The following ZNF737 variants were observed in gnomAD, a reference collection of about 807,000 sequenced individuals.
ZNF737 encodes the protein zinc finger protein 737.
Under a neutral mutation model 11.7 loss-of-function variants are expected in ZNF737, and 13 were observed. The observed-to-expected ratio is 1.11, with a 90% CI of 0.73 to 1.77. The LOEUF (loss-of-function observed/expected upper bound fraction) is 1.77, where lower values mean the gene tolerates loss of function less well. ZNF737 is among the 40% of genes most tolerant of loss of function. ZNF737 has a pLI of 0.00. For missense variants in ZNF737, 636 were observed against 638.0 expected, an observed-to-expected ratio of 1.00 and a Z score of 0.03; for synonymous variants, 217 against 216.2, an observed-to-expected ratio of 1.00 and a Z score of -0.03.
rs1447026288 is a variant in ZNF737, at chr19:20,539,478, T to C, written c.*5114A>G. 6.1e-6 allele frequency: 6 copies of C among 985,434 alleles called. No individual in the cohort carries two copies. The highest frequency in any genetic ancestry group is 2.4e-6 in the Non-Finnish European group (2 of 829,932). 61.0% of individuals were successfully genotyped at this position (985,434 alleles called of 1,614,324 possible). A position where few individuals can be genotyped will look rare whatever the true frequency, so the allele number is the denominator to read the frequency against. On this transcript the variant is annotated 3_prime_UTR_variant, in exon 4 of 4. Coordinates refer to ENST00000427401, the MANE Select transcript of ZNF737 (RefSeq NM_001159293.2). ...GCCATTTCTGTAAGTACGGCAATTA[T>C]GCGAAGCCATTGAAAAAATGTGGTC...
Position 20,539,636 on chromosome 19 carries a change from G to A in ZNF737, c.*4956C>T. ...ATTAATGTGTTTACAGTTTAATCTT[G>A]TATTACAGTATAGTAGAATCCTCTA... On this transcript the variant is annotated 3_prime_UTR_variant, in exon 4 of 4. Transcript: ENST00000427401. 1.2e-5 allele frequency: 11 copies of A among 936,536 alleles called. No homozygotes were observed. Among genetic ancestry groups the A allele is most frequent in the Middle Eastern group, 5.5e-4 (1 of 1,802 alleles). 58.0% of individuals were successfully genotyped at this position (936,536 alleles called of 1,614,324 possible). A position where few individuals can be genotyped will look rare whatever the true frequency, so the allele number is the denominator to read the frequency against.
downstream of ZNF737, among the ~76,000 whole-genome samples, chr19:20,536,946 CAATA>C (rs1209602612): frequency 2.7e-5 from 4 of 150,690 alleles, no homozygotes; most frequent in Admixed American, 6.6e-5. Context: ...CCTCTCAAAA[CAATA>C]AAATCAGCTG....
In ZNF737 at chr19:20,542,858, C is replaced by T. The variant is rs1464979508; in HGVS notation, c.*1734G>A. 7 of 984,938 alleles carry T rather than the reference C, an allele frequency of 7.1e-6. No individual in the cohort carries two copies. Among genetic ancestry groups the T allele is most frequent in the Middle Eastern group, 5.2e-4 (1 of 1,934 alleles). The allele number at this position is 984,938 out of a possible 1,614,324, so 61.0% of individuals were successfully genotyped here. A position where few individuals can be genotyped will look rare whatever the true frequency, so the allele number is the denominator to read the frequency against. ...TCACATGTGAATAGAAATAAAATAACAGCATAATTTGAAAGCTGTATTACA... is the reference window on the plus strand; with the variant it reads ...TCACATGTGAATAGAAATAAAATAATAGCATAATTTGAAAGCTGTATTACA... On this transcript the variant is annotated 3_prime_UTR_variant, in exon 4 of 4. Transcript: ENST00000427401.
intron 3 of ZNF737, among the ~76,000 whole-genome samples, chr19:20,549,860 G>A (rs558096367): frequency 6.6e-6 from 1 of 150,712 alleles, no homozygotes; most frequent in East Asian, 2.0e-4. Context: ...AACCCAGGAA[G>A]TGGAGGTTGC....
At chr19:20,558,893 T>C (rs1968984414) in intron 1 of ZNF737, among the ~76,000 whole-genome samples, 1 of 152,136 alleles carries the variant, frequency 6.6e-6, no homozygotes, top group Non-Finnish European at 1.5e-5. Context: ...CACCCTCCTA[T>C]AACCATCAGA....
rs1318186196 is a variant in ZNF737 at position 20,542,355 on chromosome 19, A to C, written c.*2237T>G. On this transcript the variant is annotated 3_prime_UTR_variant, in exon 4 of 4. Transcript: ENST00000427401. ...GTGTTTCTCCTGCCTCAGCCTCCTGAGTAGCTGAGATTACAGGCATGCACC... is the reference window on the plus strand; with the variant it reads ...GTGTTTCTCCTGCCTCAGCCTCCTGCGTAGCTGAGATTACAGGCATGCACC... The C allele has an allele frequency of 2.9e-6, 1 of 347,528 alleles. No homozygotes were observed. The highest frequency in any genetic ancestry group is 4.0e-6 in the Non-Finnish European group (1 of 247,608). The allele number at this position is 347,528 out of a possible 1,614,324, so 21.5% of individuals were successfully genotyped here. A position where few individuals can be genotyped will look rare whatever the true frequency, so the allele number is the denominator to read the frequency against.
At chr19:20,553,883 A>T in intron 1 of ZNF737, 48 bp from the exon 2 acceptor site, 1 of 1,590,402 alleles carries the variant, frequency 6.3e-7, no homozygotes, top group Non-Finnish European at 8.5e-7. Flanking sequence ...CCAAGGGTGG[A>T]ATTTTTAATT....
chr19:20,541,589 C>T lies in ZNF737; in HGVS notation c.*3003G>A. 2 of 233,432 alleles carry T rather than the reference C, an allele frequency of 8.6e-6. No individual in the cohort carries two copies. Among genetic ancestry groups the T allele is most frequent in the Non-Finnish European group, 1.4e-5 (2 of 142,624 alleles). The allele number at this position is 233,432 out of a possible 1,614,324, so 14.5% of individuals were successfully genotyped here. ...AGCCTCCTGGCATGTGCCACCATGCCTAATTTTTGTGTTTTTAGTAGAGAC... is the reference window on the plus strand; with the variant it reads ...AGCCTCCTGGCATGTGCCACCATGCTTAATTTTTGTGTTTTTAGTAGAGAC... On this transcript the variant is annotated 3_prime_UTR_variant, in exon 4 of 4. Transcript: ENST00000427401.
chr19:20,538,608 T>G lies in ZNF737; in HGVS notation c.*5984A>C. ...AAAAATTAAATTTATTTTCAAGTGC[T>G]ATTTCTTTACAGCTCCAGAGAACAA... On this transcript the variant is annotated 3_prime_UTR_variant, in exon 4 of 4. Coordinates refer to ENST00000427401, the MANE Select transcript of ZNF737 (RefSeq NM_001159293.2). The G allele has an allele frequency of 4.1e-6, 4 of 972,608 alleles. No individual in the cohort carries two copies. Among genetic ancestry groups the G allele is most frequent in the Non-Finnish European group, 4.9e-6 (4 of 818,286 alleles). The allele number at this position is 972,608 out of a possible 1,614,324, so 60.2% of individuals were successfully genotyped here.
chr19:20,539,527 A>G lies in ZNF737; in HGVS notation c.*5065T>C. 1.0e-6 allele frequency: 1 copy of G among 985,160 alleles called. No individual in the cohort carries two copies. The highest frequency in any genetic ancestry group is 1.2e-6 in the Non-Finnish European group (1 of 829,708). The allele number at this position is 985,160 out of a possible 1,614,324, so 61.0% of individuals were successfully genotyped here. ...TCTTGGTAAATTTTATTCCATTTCA[A>G]ATGTTTTCTCTAATGTTACCTTGGT... On this transcript the variant is annotated 3_prime_UTR_variant, in exon 4 of 4. Transcript: ENST00000427401.
At chr19:20,553,593 GA>G in intron 2 of ZNF737, 115 bp downstream of exon 2, 2 of 1,118,910 alleles carry the variant, frequency 1.8e-6, no homozygotes, top group East Asian at 2.7e-5. Context: ...AGATTTTCTT[GA>G]AAAAGTGGAT....
rs907491010 is a variant in ZNF737, at chr19:20,539,688, T to A, written c.*4904A>T. On this transcript the variant is annotated 3_prime_UTR_variant, in exon 4 of 4. Transcript: ENST00000427401. ...AATTAGAAGTTAATTATTTATAAAT[T>A]CATTGTTTTTAAGGTTTTTCAAATA... is the stretch of plus-strand genomic sequence containing the variant. 11 of 951,814 alleles carry A rather than the reference T, an allele frequency of 1.2e-5. 1 individual carries two copies. In the African/African-American group the frequency reaches 1.2e-4, roughly 11 times the overall value. The allele number at this position is 951,814 out of a possible 1,614,324, so 59.0% of individuals were successfully genotyped here. A position where few individuals can be genotyped will look rare whatever the true frequency, so the allele number is the denominator to read the frequency against.
chr19:20,558,896 C>T (rs1555761782), intron 1 of ZNF737, among the ~76,000 whole-genome samples: 1 of 152,196 alleles, frequency 6.6e-6, no homozygotes, highest in African/African-American at 2.4e-5. Flanking sequence ...CCTCCTATAA[C>T]CATCAGATTT....
chr19:20,552,862 A>G (rs1309100414), intron 2 of ZNF737, among the ~76,000 whole-genome samples: 2 of 151,898 alleles, frequency 1.3e-5, no homozygotes, highest in Non-Finnish European at 2.9e-5. Context: ...AAATACAAAC[A>G]TTAGCCAAAC....
intron 1 of ZNF737, among the ~76,000 whole-genome samples, chr19:20,562,689 A>C (rs1182404183): frequency 6.6e-6 from 1 of 152,038 alleles, no homozygotes; most frequent in Non-Finnish European, 1.5e-5. Context: ...ACCTGACCTC[A>C]GGTGATCCGC....
chr19:20,550,541 G>A (rs1477754904), intron 3 of ZNF737, among the ~76,000 whole-genome samples: 1 of 152,114 alleles, frequency 6.6e-6, no homozygotes, highest in Non-Finnish European at 1.5e-5. Flanking sequence ...GATTAAAAGT[G>A]CCCTATTTTC....
At chr19:20,536,679 C>A (rs554561759), downstream of ZNF737, among the ~76,000 whole-genome samples, 1 of 152,042 alleles carries the variant, frequency 6.6e-6, no homozygotes, top group Non-Finnish European at 1.5e-5. Context: ...TGGTGGCTCA[C>A]GCCTGTAATC....
chr19:20,534,079 C>T (rs1967894009), downstream of ZNF737, among the ~76,000 whole-genome samples: 1 of 150,068 alleles, frequency 6.7e-6, no homozygotes, highest in South Asian at 2.2e-4. Context: ...CTGGGATGTG[C>T]TAATGGGCTG....
rs782058204 is a variant in ZNF737, at chr19:20,544,974, G to C, written c.1229C>G (p.Ser410Cys). 6.2e-7 allele frequency: 1 copy of C among 1,613,200 alleles called. No individual in the cohort carries two copies. The highest frequency in any genetic ancestry group is 2.2e-5 in the East Asian group (1 of 44,796). The change falls in exon 4 of 4, where the codon TCT becomes TGT. Residue 410 changes from serine to cysteine, a missense_variant. Ser to Cys is a moderately radical substitution (Grantham distance 112, BLOSUM62 -1). Transcript: ENST00000427401. ...EECGEAFKYS[S>C]SLTTHKIIHT... Reference sequence around the variant, plus strand: ...GATTATCTTATGTGTAGTAAGGGAAGAGGAGTACTTAAAGGCTTCGCCACA... The same window carrying C: ...GATTATCTTATGTGTAGTAAGGGAACAGGAGTACTTAAAGGCTTCGCCACA...
Sources: allele counts gnomAD v4.1 joint callset (sites outside exome capture counted in the v4.1 genomes callset), GRCh38; gene constraint gnomAD v4.1.1; transcripts MANE v1.5; gene names NCBI Gene and HGNC (gene_info 2026-07-23, HGNC 2026-07-21).